Variants in AQR observed in about 807,000 individuals in gnomAD.
AQR encodes the protein aquarius intron-binding spliceosomal factor, also known as RNA helicase aquarius.
A neutral mutation model predicts 180.5 loss-of-function variants in AQR; 61 were observed. That is an observed-to-expected ratio of 0.34 (90% CI 0.28 to 0.42). The LOEUF (loss-of-function observed/expected upper bound fraction) is 0.42, where lower values mean the gene tolerates loss of function less well. AQR is among the 10% of genes least tolerant of loss of function. The pLI is 1.00. For missense variants in AQR, 1,281 were observed against 1,798.3 expected (o/e 0.71, Z 5.20); for synonymous variants, 551 against 588.8 (o/e 0.94, Z 0.93).
At chr15:34,890,384 G>T in intron 23 of AQR, 60 bp from the exon 24 acceptor site, 1 of 1,396,732 alleles carries the variant, frequency 7.2e-7, no homozygotes, top group Non-Finnish European at 1.0e-6. Flanking sequence ...CTAACATTTA[G>T]AAAGAATCAA....
intron 13 of AQR, among the ~76,000 whole-genome samples, chr15:34,926,345 C>G (rs1185835150): frequency 6.6e-6 from 1 of 152,058 alleles, no homozygotes; most frequent in African/African-American, 2.4e-5. Flanking sequence ...AGTCAAGGAA[C>G]TAAACATAAT....
At chr15:34,947,982 G>C (rs1045433787) in intron 5 of AQR, among the ~76,000 whole-genome samples, 1 of 152,130 alleles carries the variant, frequency 6.6e-6, no homozygotes, top group African/African-American at 2.4e-5. Context: ...AGCTCCTGAT[G>C]TAAGTTGTTA....
intron 22 of AQR, 77 bp from the exon 23 acceptor site, chr15:34,893,850 G>T: frequency 8.1e-7 from 1 of 1,239,426 alleles, no homozygotes; most frequent in Non-Finnish European, 1.2e-6. Context: ...GTGAAGTACA[G>T]ACCTGAAAGA....
At chr15:34,949,182 C>T (rs1054403872) in intron 4 of AQR, among the ~76,000 whole-genome samples, 5 of 151,446 alleles carry the variant, frequency 3.3e-5, no homozygotes, top group South Asian at 4.2e-4. Flanking sequence ...TTAGTAGAGA[C>T]GGGGTTTCTC....
Position 34,852,145 on chromosome 15 carries a change from G to A in AQR, c.*4647C>T, listed in dbSNP as rs1031927596. ...AGTTCTAGCCAATGTAAAGATATTG[G>A]TTCCCAAGGAAATAGCTACCTAAGT... On this transcript the variant is annotated 3_prime_UTR_variant, in exon 35 of 35. Transcript: ENST00000156471. 9 of 151,186 alleles carry A rather than the reference G, an allele frequency of 6.0e-5. No individual in the cohort carries two copies. The highest frequency in any genetic ancestry group is 2.2e-4 in the African/African-American group (9 of 41,104). The allele number at this position is 151,186 out of a possible 1,614,324, so 9.4% of individuals were successfully genotyped here. A position where few individuals can be genotyped will look rare whatever the true frequency, so the allele number is the denominator to read the frequency against.
Position 34,882,629 on chromosome 15 carries a change from G to C in AQR, c.3038C>G (p.Ala1013Gly). 1 of 1,598,312 alleles carries C rather than the reference G, an allele frequency of 6.3e-7. No individual in the cohort carries two copies. The highest frequency in any genetic ancestry group is 8.5e-7 in the Non-Finnish European group (1 of 1,174,150). ...KIFTQLEEFR[A>G]SELLRSGLDR... Reference sequence around the variant, plus strand: ...CAGTCCACTTCGAAGCAATTCAGAGGCTCTGAATTCCTATGGAAACGAGGA... The same window carrying C: ...CAGTCCACTTCGAAGCAATTCAGAGCCTCTGAATTCCTATGGAAACGAGGA... Residue 1013 changes from alanine (A) to glycine (G), a missense_variant, in exon 27 of 35, where the codon GCC becomes GGC. By Grantham distance (60) the Ala-to-Gly change is moderately conservative. This residue lies in a region of AQR where 125 missense variants were observed against 185.0 expected (regional missense o/e 0.68). Coordinates refer to ENST00000156471, the MANE Select transcript of AQR (RefSeq NM_014691.3).
At chr15:34,894,332 T>C (rs556180624) in intron 22 of AQR, among the ~76,000 whole-genome samples, 2 of 152,160 alleles carry the variant, frequency 1.3e-5, no homozygotes, top group South Asian at 2.1e-4. Flanking sequence ...AACATGGAAG[T>C]CAGAAGGAAG....
chr15:34,947,483 C>T (rs1218809793), intron 5 of AQR, among the ~76,000 whole-genome samples: 25 of 138,410 alleles, frequency 1.8e-4, no homozygotes, highest in Non-Finnish European at 2.8e-4. Context: ...TCCCCCTCTG[C>T]GAGAAACACC....
intron 3 of AQR, among the ~76,000 whole-genome samples, chr15:34,956,234 C>T (rs2140505625): frequency 1.3e-5 from 2 of 152,266 alleles, no homozygotes; most frequent in African/African-American, 4.8e-5. Flanking sequence ...AAGTAAATTA[C>T]TCTGTAAATC....
intron 26 of AQR, 89 bp downstream of exon 26, chr15:34,884,436 G>T (rs962097327): frequency 2.6e-6 from 3 of 1,165,838 alleles, no homozygotes; most frequent in Non-Finnish European, 3.6e-6. Flanking sequence ...AAAAACAAAA[G>T]ATTTGAATAT....
intron 32 of AQR, among the ~76,000 whole-genome samples, chr15:34,864,878 G>A (rs1333735435): frequency 6.6e-6 from 1 of 152,092 alleles, no homozygotes; most frequent in East Asian, 1.9e-4. Context: ...TATCTTCCAA[G>A]GATATATTAA....
At chr15:34,890,469 C>A in intron 23 of AQR, 145 bp from the exon 24 acceptor site, 2 of 632,626 alleles carry the variant, frequency 3.2e-6, no homozygotes, top group Non-Finnish European at 2.6e-6. Context: ...ATATTGATTT[C>A]TGATATTGCC....
At chr15:34,937,816 G>A (rs551880600) in intron 9 of AQR, among the ~76,000 whole-genome samples, 183 of 152,050 alleles carry the variant, frequency 1.2e-3, no homozygotes, top group Non-Finnish European at 1.8e-3. Context: ...CCCAGGAGAC[G>A]GAGGTTGCAG....
chr15:34,917,828 A>AG (rs1489762067), intron 15 of AQR, among the ~76,000 whole-genome samples: 1 of 150,748 alleles, frequency 6.6e-6, no homozygotes, highest in Non-Finnish European at 1.5e-5. Context: ...ACTAAAAAAA[A>AG]AAAAAAAAAG....
intron 19 of AQR, among the ~76,000 whole-genome samples, chr15:34,901,270 A>G (rs1194505353): frequency 1.3e-5 from 2 of 152,170 alleles, no homozygotes; most frequent in African/African-American, 4.8e-5. Context: ...TTTATATTCC[A>G]TAGTTCTTTA....
intron 16 of AQR, among the ~76,000 whole-genome samples, chr15:34,913,008 T>G (rs971272718): frequency 1.3e-5 from 2 of 152,222 alleles, no homozygotes; most frequent in Admixed American, 6.5e-5. Context: ...AACAACTTCC[T>G]ATCACCTCCT....
rs372193445 is a variant in AQR at position 34,900,639 on chromosome 15, T to C, written c.2226A>G (p.Leu742=). 4.3e-6 allele frequency: 7 copies of C among 1,613,944 alleles called. No homozygotes were observed. The highest frequency in any genetic ancestry group is 1.7e-4 in the Middle Eastern group (1 of 6,060). The part of the protein sequence containing the change: ...NVKVTVEDPA[L]QIPPFRITFP... ...GACTTTACCTGAAAGGGGGTATTTGTAGAGCAGGGTCTTCTACAGTTACTT... is the reference window on the plus strand; with the variant it reads ...GACTTTACCTGAAAGGGGGTATTTGCAGAGCAGGGTCTTCTACAGTTACTT... The change falls in exon 20 of 35, where the codon CTA becomes CTG. Residue 742 remains leucine, a synonymous_variant. Transcript: ENST00000156471.
Position 34,940,987 on chromosome 15 carries a change from A to G in AQR, c.553T>C (p.Leu185=), listed in dbSNP as rs1321240337. ...WMGLQLARLE[L]ELKKTPKLRK... is the part of the protein sequence containing the mutation. The stretch of plus-strand genomic sequence containing the variant: ...AGCTTAGGTGTCTTTTTTAATTCTA[A>G]TTCCAATCGTGCCTGAAGAAGAGAT... The change falls in exon 8 of 35, where the codon TTA becomes CTA. Residue 185 remains leucine, a synonymous_variant. Coordinates refer to ENST00000156471, the MANE Select transcript of AQR (RefSeq NM_014691.3). 3 of 1,603,126 alleles carry G rather than the reference A, an allele frequency of 1.9e-6. No homozygotes were observed. The highest frequency in any genetic ancestry group is 2.6e-6 in the Non-Finnish European group (3 of 1,174,004).
chr15:34,938,643 A>G (rs1893978139), intron 9 of AQR, 94 bp downstream of exon 9: 2 of 805,612 alleles, frequency 2.5e-6, no homozygotes, highest in Non-Finnish European at 4.1e-6. Context: ...ATTTAAAATC[A>G]TTCCAAGAAC....
Sources: gnomAD v4.1 joint callset for allele counts (sites outside exome capture counted in the v4.1 genomes callset) on GRCh38, gnomAD v4.1.1 for gene constraint, gnomAD v4.1.1 regional missense constraint, MANE v1.5 for transcripts, NCBI Gene and HGNC (gene_info 2026-07-23, HGNC 2026-07-21) for gene names.